CDH3: variants seen among roughly 807,000 people sequenced by gnomAD.
The protein encoded by CDH3 is cadherin 3, also known as cadherin-3.
CDH3 carries 54 observed loss-of-function variants against 82.0 expected under a neutral mutation model. The ratio of observed to expected loss-of-function variants is 0.66; its 90% confidence interval spans 0.53 to 0.83. The LOEUF is 0.83. Among genes scored for constraint, CDH3 ranks in the 40% least tolerant of loss-of-function variants. The pLI, the probability that CDH3 is intolerant of heterozygous loss-of-function variation, is 0.00. For missense variants in CDH3, 1,054 were observed against 1,084.6 expected (o/e 0.97, Z 0.40); for synonymous variants, 446 against 437.9 (o/e 1.02, Z -0.23).
Position 68,645,320 on chromosome 16 carries a change from G to A in CDH3, c.-60G>A. ...GGGGCTGCGGTGCTCAAAGGGGCAAGAGCTGAGCGGAACACCGGCCCGCCG... is the reference window on the plus strand; with the variant it reads ...GGGGCTGCGGTGCTCAAAGGGGCAAAAGCTGAGCGGAACACCGGCCCGCCG... On this transcript the variant is annotated 5_prime_UTR_variant, in exon 1 of 16. Transcript: ENST00000264012. 2 of 1,566,440 alleles carry A rather than the reference G, an allele frequency of 1.3e-6. No homozygotes were observed. Among genetic ancestry groups the A allele is most frequent in the Admixed American group, 1.7e-5 (1 of 59,090 alleles).
At chr16:68,674,175 C>T (rs1326029060) in intron 2 of CDH3, among the ~76,000 whole-genome samples, 1 of 152,166 alleles carries the variant, frequency 6.6e-6, no homozygotes, top group East Asian at 1.9e-4. Flanking sequence ...TCCAATTTCC[C>T]TCTATCCTTG....
chr16:68,704,402 C>T (rs776732056), downstream of CDH3, among the ~76,000 whole-genome samples: 20 of 152,172 alleles, frequency 1.3e-4, no homozygotes, highest in South Asian at 4.2e-4. Context: ...GGCCTGCTAG[C>T]GCTCCCTTGG....
chr16:68,695,127 C>A, intron 13 of CDH3, 128 bp from the exon 14 acceptor site: 1 of 997,628 alleles, frequency 1.0e-6, no homozygotes, highest in Non-Finnish European at 1.6e-6. Context: ...GCAAGTAAAG[C>A]CATTGTAGCA....
rs573072925 is a variant in CDH3 at position 68,714,880 on chromosome 16, G to A, written c.100-7545G>A. Among the ~76,000 whole-genome samples, 14 of 151,910 alleles carry A rather than the reference G, an allele frequency of 9.2e-5. No homozygotes were observed. In the East Asian group the frequency reaches 9.7e-4, roughly 11 times the overall value. Reference sequence around the variant, plus strand: ...AAAAATTAGCCAGGCATGGTGGCCCGTGTCTGTAGTCCCAGCCACTTGGGA... The same window carrying A: ...AAAAATTAGCCAGGCATGGTGGCCCATGTCTGTAGTCCCAGCCACTTGGGA... On this transcript the variant is annotated intron_variant, in intron 1 of 2. Transcript: ENST00000569080.
intron 2 of CDH3, among the ~76,000 whole-genome samples, chr16:68,654,366 T>A: frequency 6.9e-6 from 1 of 144,192 alleles, no homozygotes. Context: ...GCCTTTTTCT[T>A]AATTTTTAAA....
intron 1 of CDH3, among the ~76,000 whole-genome samples, chr16:68,711,706 G>A (rs1567463074): frequency 6.6e-6 from 1 of 152,242 alleles, no homozygotes; most frequent in Non-Finnish European, 1.5e-5. Context: ...CCCCACTGGG[G>A]TGGTTTCCCA....
At chr16:68,731,393 A>ATATATAT (rs1434831223), downstream of CDH3, among the ~76,000 whole-genome samples, 2 of 6,588 alleles carry the variant, frequency 3.0e-4, no homozygotes, top group African/African-American at 7.8e-4. Context: ...AAAAAAAAAA[A>ATATATAT]AAATATATAT....
downstream of CDH3, among the ~76,000 whole-genome samples, chr16:68,728,766 G>A (rs929555331): frequency 6.6e-6 from 1 of 152,204 alleles, no homozygotes; most frequent in Non-Finnish European, 1.5e-5. Flanking sequence ...GGGGCTGATG[G>A]AGAATTTGAT....
intron 2 of CDH3, among the ~76,000 whole-genome samples, chr16:68,669,284 A>G (rs954169444): frequency 3.9e-5 from 6 of 152,132 alleles, no homozygotes; most frequent in African/African-American, 9.6e-5. Flanking sequence ...GCTTATTCCT[A>G]TCAGTCTGGA....
At chr16:68,687,443 C>A in intron 11 of CDH3, 69 bp from the exon 12 acceptor site, 2 of 1,272,982 alleles carry the variant, frequency 1.6e-6, no homozygotes, top group East Asian at 2.3e-5. Context: ...GGGCGGTAAA[C>A]AGGAGGAGCC....
At chr16:68,678,709 G>C (rs1425962231) in intron 5 of CDH3, 53 bp downstream of exon 5, 1 of 1,613,998 alleles carries the variant, frequency 6.2e-7, no homozygotes, top group Non-Finnish European at 8.5e-7. Context: ...TGGGATCCTA[G>C]GCCTGGTGAG....
intron 2 of CDH3, among the ~76,000 whole-genome samples, chr16:68,726,857 G>A (rs1345077282): frequency 1.3e-5 from 2 of 152,172 alleles, no homozygotes; most frequent in East Asian, 1.9e-4. Context: ...GGGATTACAG[G>A]CATGAGCCAC....
chr16:68,677,896 A>G (rs1961076091), intron 3 of CDH3, among the ~76,000 whole-genome samples: 1 of 151,896 alleles, frequency 6.6e-6, no homozygotes, highest in African/African-American at 2.4e-5. Context: ...TTCCCTTGCA[A>G]TAGGCTCATC....
downstream of CDH3, among the ~76,000 whole-genome samples, chr16:68,704,162 C>T (rs1961931826): frequency 6.6e-6 from 1 of 151,360 alleles, no homozygotes; most frequent in South Asian, 2.1e-4. Context: ...TGGCGGGCGC[C>T]TGTAGTCCCA....
chr16:68,711,759 C>T (rs1214428667), intron 1 of CDH3, among the ~76,000 whole-genome samples: 1 of 152,154 alleles, frequency 6.6e-6, no homozygotes, highest in Non-Finnish European at 1.5e-5. Context: ...GAGTAGGGGG[C>T]ACGAGGGCGA....
intron 2 of CDH3, among the ~76,000 whole-genome samples, chr16:68,658,206 T>C (rs1231794752): frequency 6.6e-6 from 1 of 151,984 alleles, no homozygotes. Context: ...CCCCCAGTCA[T>C]TTTATAGAGA....
At chr16:68,688,240 C>T (rs967618286) in intron 12 of CDH3, among the ~76,000 whole-genome samples, 2 of 151,754 alleles carry the variant, frequency 1.3e-5, no homozygotes, top group African/African-American at 2.4e-5. Flanking sequence ...TAGAGGAGAC[C>T]GTTGCCCCCG....
At chr16:68,656,366 T>G (rs1245381862) in intron 2 of CDH3, among the ~76,000 whole-genome samples, 1 of 152,106 alleles carries the variant, frequency 6.6e-6, no homozygotes, top group African/African-American at 2.4e-5. Flanking sequence ...CTCAGTTGCC[T>G]TTTTCTCATT....
chr16:68,673,124 T>C (rs1012419876), intron 2 of CDH3, among the ~76,000 whole-genome samples: 5 of 152,188 alleles, frequency 3.3e-5, no homozygotes, highest in African/African-American at 9.7e-5. Flanking sequence ...TTATAATACA[T>C]AGGTTTTGGC....
Sources: gnomAD v4.1 joint callset for allele counts (sites outside exome capture counted in the v4.1 genomes callset) on GRCh38, gnomAD v4.1.1 for gene constraint, MANE v1.5 for transcripts, NCBI Gene and HGNC (gene_info 2026-07-23, HGNC 2026-07-21) for gene names.